The following RNGTT variants were observed in gnomAD, a reference collection of about 807,000 sequenced individuals.
RNGTT encodes RNA guanylyltransferase and 5'-phosphatase.
RNGTT carries 33 observed loss-of-function variants against 79.3 expected under a neutral mutation model. That is an observed-to-expected ratio of 0.42 (90% confidence interval 0.32 to 0.56). RNGTT has a LOEUF of 0.56. Ranked by LOEUF, RNGTT falls within the 20% of genes least tolerant of loss-of-function variation. RNGTT has a pLI of 0.17. For synonymous variants in RNGTT, 222 were observed against 235.9 expected (o/e 0.94, Z 0.54); for missense variants, 497 against 739.1 (o/e 0.67, Z 3.80).
At chr6:88,904,642 C>T in intron 6 of RNGTT, 73 bp downstream of exon 6, 2 of 1,455,438 alleles carry the variant, frequency 1.4e-6, no homozygotes, top group South Asian at 2.8e-5. Flanking sequence ...GGCCAATATT[C>T]CATTTTTATA....
chr6:88,930,169 T>A (rs562059441), intron 2 of RNGTT, among the ~76,000 whole-genome samples: 73 of 142,368 alleles, frequency 5.1e-4, no homozygotes, highest in Admixed American at 1.3e-3. Flanking sequence ...TATATACATA[T>A]ACATATATGT....
intron 13 of RNGTT, among the ~76,000 whole-genome samples, chr6:88,746,217 T>C (rs1210467682): frequency 1.3e-5 from 2 of 152,290 alleles, no homozygotes; most frequent in East Asian, 3.9e-4. Context: ...TCCAACATTT[T>C]CCAGCAAGTT....
In RNGTT at chr6:88,731,636, T is replaced by G. The variant is rs562103059; in HGVS notation, c.1439+38138A>C. Among the ~76,000 whole-genome samples, 3 of 152,214 alleles carry G rather than the reference T, an allele frequency of 2.0e-5. No homozygotes were observed. In the East Asian group the frequency reaches 5.8e-4, roughly 29 times the overall value. On this transcript the variant is annotated intron_variant, in intron 13 of 15. Transcript: ENST00000369485. ...CTTCACAGAAAGATTTTAAGATGTA[T>G]TCACCAAAAGATACCATCGACAGGG...
intron 11 of RNGTT, among the ~76,000 whole-genome samples, chr6:88,807,037 T>C (rs913242713): frequency 1.1e-4 from 16 of 152,170 alleles, no homozygotes; most frequent in African/African-American, 2.9e-4. Context: ...TGGGAGTTCA[T>C]TGATGAGAAC....
intron 13 of RNGTT, among the ~76,000 whole-genome samples, chr6:88,700,691 G>A (rs1775916273): frequency 2.0e-5 from 3 of 152,188 alleles, no homozygotes; most frequent in African/African-American, 7.2e-5. Flanking sequence ...TGGTGAAGCT[G>A]TGGAAAGGTG....
chr6:88,866,988 A>G (rs558840038), intron 8 of RNGTT, among the ~76,000 whole-genome samples: 1 of 152,316 alleles, frequency 6.6e-6, no homozygotes, highest in Non-Finnish European at 1.5e-5. Context: ...TGCTACTTAC[A>G]ATGTGGTCCC....
intron 13 of RNGTT, among the ~76,000 whole-genome samples, chr6:88,766,273 A>T (rs1400338272): frequency 2.0e-5 from 3 of 152,120 alleles, no homozygotes; most frequent in Non-Finnish European, 4.4e-5. Context: ...ATACTATTCT[A>T]TACAAATAAT....
chr6:88,829,264 T>A (rs1244589278), intron 11 of RNGTT, among the ~76,000 whole-genome samples: 1 of 152,136 alleles, frequency 6.6e-6, no homozygotes, highest in Admixed American at 6.5e-5. Context: ...GAATTTCATA[T>A]CCAGCCAACT....
rs149949575 is a variant in RNGTT, at chr6:88,854,147, C to T, written c.897-383G>A. Among the ~76,000 whole-genome samples the T allele has an allele frequency of 3.1e-3, 465 of 151,922 alleles. 2 individuals are homozygous for T. Among genetic ancestry groups the T allele is most frequent in the African/African-American group, 0.011 (440 of 41,434 alleles). On this transcript the variant is annotated intron_variant, in intron 8 of 15. Transcript: ENST00000369485. ...AGAGATGGGGTTTCACTATGTTGGTCGCGAACTCCTGGCCTCAAGTGATCT... is the reference window on the plus strand; with the variant it reads ...AGAGATGGGGTTTCACTATGTTGGTTGCGAACTCCTGGCCTCAAGTGATCT...
chr6:88,929,099 G>GA lies in RNGTT; in HGVS notation c.279-27dup, dbSNP rs140051179. Reference sequence around the variant, plus strand: ...CTAGTAATATAGAAAAAGTTTTTTTGAAAAAAGAGATTACAAATTGTGATG... The same window carrying GA: ...CTAGTAATATAGAAAAAGTTTTTTTGAAAAAAAGAGATTACAAATTGTGATG... On this transcript the variant is annotated intron_variant, in intron 3 of 15. Transcript: ENST00000369485. 2.9e-3 allele frequency: 4,678 copies of GA among 1,587,360 alleles called. 124 individuals carry two copies. The African/African-American group carries it at 0.057, about 19-fold the overall frequency.
chr6:88,630,513 A>C (rs887982827), intron 14 of RNGTT, among the ~76,000 whole-genome samples: 3 of 152,198 alleles, frequency 2.0e-5, no homozygotes, highest in Non-Finnish European at 2.9e-5. Context: ...TGTTTTAACT[A>C]TCACACAGCC....
chr6:88,776,682 T>C (rs1395388988), intron 12 of RNGTT, among the ~76,000 whole-genome samples: 2 of 148,756 alleles, frequency 1.3e-5, no homozygotes, highest in Admixed American at 6.7e-5. Flanking sequence ...AAAAAAAAAG[T>C]CTATTCAAGT....
intron 8 of RNGTT, among the ~76,000 whole-genome samples, chr6:88,886,546 T>C (rs1329135981): frequency 2.0e-5 from 3 of 152,238 alleles, no homozygotes; most frequent in African/African-American, 4.8e-5. Flanking sequence ...CTTTGTACTA[T>C]TTTTGGAAGA....
chr6:88,917,306 T>C (rs1457258492), intron 4 of RNGTT, among the ~76,000 whole-genome samples: 1 of 152,152 alleles, frequency 6.6e-6, no homozygotes, highest in African/African-American at 2.4e-5. Context: ...CCTTAGTCAT[T>C]GAACAACTCT....
At chr6:88,823,321 A>T (rs1453970845) in intron 11 of RNGTT, among the ~76,000 whole-genome samples, 1 of 152,146 alleles carries the variant, frequency 6.6e-6, no homozygotes, top group Non-Finnish European at 1.5e-5. Context: ...AAGTAATCCC[A>T]GCTACTTGGG....
chr6:88,917,714 T>C (rs879076476), intron 4 of RNGTT, among the ~76,000 whole-genome samples: 2 of 149,886 alleles, frequency 1.3e-5, no homozygotes, highest in African/African-American at 2.5e-5. Flanking sequence ...TGGAGAAACC[T>C]CATCTCTACT....
intron 14 of RNGTT, among the ~76,000 whole-genome samples, chr6:88,634,051 T>C (rs1371314252): frequency 6.6e-6 from 1 of 152,172 alleles, no homozygotes; most frequent in Non-Finnish European, 1.5e-5. Context: ...CCAGCACTTA[T>C]CAATATTGTT....
At chr6:88,872,169 C>T (rs1242229041) in intron 8 of RNGTT, among the ~76,000 whole-genome samples, 7 of 152,090 alleles carry the variant, frequency 4.6e-5, no homozygotes, top group African/African-American at 1.7e-4. Context: ...TTTGTTTTTT[C>T]TCTTGCTAAT....
At chr6:88,855,136 T>C (rs1003024836) in intron 8 of RNGTT, among the ~76,000 whole-genome samples, 10 of 152,186 alleles carry the variant, frequency 6.6e-5, no homozygotes, top group African/African-American at 2.2e-4. Context: ...CTGACCAGAC[T>C]GCCCAACCTC....
Sources: allele counts gnomAD v4.1 joint callset (sites outside exome capture counted in the v4.1 genomes callset), GRCh38; gene constraint gnomAD v4.1.1; transcripts MANE v1.5; gene names NCBI Gene and HGNC (gene_info 2026-07-23, HGNC 2026-07-21).